SUSD4: variants seen among roughly 807,000 people sequenced by gnomAD.
The protein encoded by SUSD4 is sushi domain-containing protein 4.
A neutral mutation model predicts 50.5 loss-of-function variants in SUSD4; 41 were observed. The observed-to-expected ratio is 0.81, with a 90% CI of 0.63 to 1.05. The LOEUF (loss-of-function observed/expected upper bound fraction) is 1.05, where lower values mean the gene tolerates loss of function less well. Among genes scored for constraint, SUSD4 ranks in the 50% least tolerant of loss-of-function variants. The pLI is 0.00. For synonymous variants in SUSD4, 257 were observed against 257.3 expected (o/e 1.00, Z 0.01); for missense variants, 580 against 634.7 (o/e 0.91, Z 0.93).
At chr1:223,314,729 A>G (rs567549655) in intron 2 of SUSD4, among the ~76,000 whole-genome samples, 1 of 152,220 alleles carries the variant, frequency 6.6e-6, no homozygotes, top group African/African-American at 2.4e-5. Flanking sequence ...TCTCTTGTCT[A>G]CCACCATGTG....
chr1:223,236,577 C>T (rs1337049400), intron 5 of SUSD4, among the ~76,000 whole-genome samples: 2 of 150,180 alleles, frequency 1.3e-5, no homozygotes, highest in Non-Finnish European at 3.0e-5. Flanking sequence ...TATGTGGATG[C>T]CCAATAGTTC....
In SUSD4 at chr1:223,223,329, G is replaced by A. The variant is rs1659257056; in HGVS notation, c.1364C>T (p.Pro455Leu). ...SPPRCQESTH[P>L]ASDNPDIIAS... ...AATTATGTCAGGGTTGTCCGAAGCA[G>A]GGTGGGTGCTCTCTTGGCACCTGGG... The change falls in exon 8 of 9, where the codon CCT becomes CTT. Residue 455 changes from proline (P) to leucine (L), a missense_variant. By Grantham distance (98) the Pro-to-Leu change is moderately conservative. Transcript: ENST00000366878. The A allele has an allele frequency of 6.2e-7, 1 of 1,610,168 alleles. No homozygotes were observed. Among genetic ancestry groups the A allele is most frequent in the Non-Finnish European group, 8.5e-7 (1 of 1,178,350 alleles).
rs1375437551 is a variant in SUSD4, at chr1:223,221,975, C to T, written c.*217G>A. ...AGGGCTTCCCTGCTGCCCCGGTTCCCCATGGGTCTTGGTGAATCCTCAAAT... is the reference window on the plus strand; with the variant it reads ...AGGGCTTCCCTGCTGCCCCGGTTCCTCATGGGTCTTGGTGAATCCTCAAAT... On this transcript the variant is annotated 3_prime_UTR_variant, in exon 9 of 9. Coordinates refer to ENST00000366878, the MANE Select transcript of SUSD4 (RefSeq NM_017982.4). 4.6e-5 allele frequency: 24 copies of T among 520,470 alleles called. No individual in the cohort carries two copies. The highest frequency in any genetic ancestry group is 4.3e-4 in the Admixed American group (12 of 27,648). 32.2% of individuals were successfully genotyped at this position (520,470 alleles called of 1,614,324 possible). A position where few individuals can be genotyped will look rare whatever the true frequency, so the allele number is the denominator to read the frequency against.
intron 2 of SUSD4, among the ~76,000 whole-genome samples, chr1:223,302,693 C>T (rs1665271263): frequency 6.6e-6 from 1 of 152,160 alleles, no homozygotes; most frequent in Non-Finnish European, 1.5e-5. Flanking sequence ...CTAACCCGGA[C>T]CCCAGGGCTG....
intron 2 of SUSD4, among the ~76,000 whole-genome samples, chr1:223,351,084 A>G (rs1668337951): frequency 6.6e-6 from 1 of 152,264 alleles, no homozygotes; most frequent in Non-Finnish European, 1.5e-5. Flanking sequence ...GTTCTATAAC[A>G]TGGGTACTAT....
chr1:223,331,076 T>A (rs964480001), intron 2 of SUSD4, among the ~76,000 whole-genome samples: 4 of 152,128 alleles, frequency 2.6e-5, no homozygotes, highest in African/African-American at 9.7e-5. Context: ...TGAGGGCATT[T>A]CTCCACGGCA....
chr1:223,226,158 G>C (rs1167208378), intron 7 of SUSD4, among the ~76,000 whole-genome samples: 1 of 152,212 alleles, frequency 6.6e-6, no homozygotes, highest in East Asian at 1.9e-4. Context: ...AGCCTTGTGG[G>C]TTGGCTTTCT....
chr1:223,252,168 T>C (rs1189102541), intron 5 of SUSD4, among the ~76,000 whole-genome samples: 1 of 147,012 alleles, frequency 6.8e-6, no homozygotes, highest in East Asian at 2.0e-4. Context: ...TGTATACATA[T>C]GTAACAAACC....
At chr1:223,286,631 C>T (rs1664159065) in intron 3 of SUSD4, among the ~76,000 whole-genome samples, 1 of 152,234 alleles carries the variant, frequency 6.6e-6, no homozygotes, top group African/African-American at 2.4e-5. Flanking sequence ...ATGGGTTCCA[C>T]CACACTCATG....
chr1:223,302,784 G>A (rs969488422), intron 2 of SUSD4, among the ~76,000 whole-genome samples: 26 of 152,204 alleles, frequency 1.7e-4, no homozygotes, highest in East Asian at 3.8e-4. Context: ...GGAGATGCCC[G>A]CGTGGGCCAG....
At chr1:223,300,324 C>A (rs898022516) in intron 2 of SUSD4, among the ~76,000 whole-genome samples, 4 of 152,164 alleles carry the variant, frequency 2.6e-5, no homozygotes, top group African/African-American at 9.7e-5. Context: ...TTTCTCCTAA[C>A]CAAAAACTGT....
chr1:223,221,463 A>G lies in SUSD4; in HGVS notation c.*729T>C. The G allele has an allele frequency of 5.2e-6, 1 of 190,868 alleles. No homozygotes were observed. Among genetic ancestry groups the G allele is most frequent in the Admixed American group, 6.1e-5 (1 of 16,410 alleles). The allele number at this position is 190,868 out of a possible 1,614,324, so 11.8% of individuals were successfully genotyped here. A position where few individuals can be genotyped will look rare whatever the true frequency, so the allele number is the denominator to read the frequency against. ...CCAATGCCATGGATCCATGTGCCAC[A>G]CCATGAATACAAACACTGATGATAT... On this transcript the variant is annotated 3_prime_UTR_variant, in exon 9 of 9. Transcript: ENST00000366878.
At chr1:223,238,311 A>T (rs1053977089) in intron 5 of SUSD4, among the ~76,000 whole-genome samples, 1 of 151,306 alleles carries the variant, frequency 6.6e-6, no homozygotes, top group African/African-American at 2.4e-5. Flanking sequence ...GACTTTGTTG[A>T]TTGTCTCTAT....
intron 2 of SUSD4, among the ~76,000 whole-genome samples, chr1:223,318,723 A>G (rs1287099849): frequency 6.6e-6 from 1 of 151,700 alleles, no homozygotes; most frequent in Non-Finnish European, 1.5e-5. Context: ...AAATGGCCAT[A>G]CTGCCCAAGG....
At chr1:223,323,395 A>T (rs1666697219) in intron 2 of SUSD4, among the ~76,000 whole-genome samples, 1 of 152,176 alleles carries the variant, frequency 6.6e-6, no homozygotes, top group Admixed American at 6.5e-5. Flanking sequence ...TGTCCCCAGT[A>T]GACAGAAAAT....
rs557082343 is a variant in SUSD4 at position 223,251,028 on chromosome 1, C to T, written c.724+13602G>A. 5.9e-5 allele frequency among the ~76,000 whole-genome samples: 9 copies of T among 152,246 alleles called. No individual in the cohort carries two copies. In the East Asian group the frequency reaches 1.7e-3, roughly 29 times the overall value. On this transcript the variant is annotated intron_variant, in intron 5 of 8. Coordinates refer to ENST00000366878, the MANE Select transcript of SUSD4 (RefSeq NM_017982.4). ...AGATTCTTACACTGAAATCCTGGTA[C>T]CTGTGAATGTGGGCCTATTTGGAAA... is the stretch of plus-strand genomic sequence containing the variant.
At chr1:223,259,063 T>G (rs942724196) in intron 5 of SUSD4, among the ~76,000 whole-genome samples, 1 of 152,062 alleles carries the variant, frequency 6.6e-6, no homozygotes, top group Non-Finnish European at 1.5e-5. Context: ...GAGTGCAATT[T>G]CAGGAATAGC....
chr1:223,298,863 T>C (rs1665006906), intron 2 of SUSD4, among the ~76,000 whole-genome samples: 1 of 152,234 alleles, frequency 6.6e-6, no homozygotes, highest in Non-Finnish European at 1.5e-5. Context: ...ACTTCCTCTG[T>C]TTTCAAGTAA....
chr1:223,327,718 C>T (rs1666955827), intron 2 of SUSD4, among the ~76,000 whole-genome samples: 1 of 152,176 alleles, frequency 6.6e-6, no homozygotes. Flanking sequence ...GGTCAGGGCC[C>T]CGGCATGGCC....
Sources: allele counts gnomAD v4.1 joint callset (sites outside exome capture counted in the v4.1 genomes callset), GRCh38; gene constraint gnomAD v4.1.1; transcripts MANE v1.5; gene names NCBI Gene and HGNC (gene_info 2026-07-23, HGNC 2026-07-21).